The following NOTCH1 variants were observed in gnomAD, a reference collection of about 807,000 sequenced individuals.
NOTCH1 encodes notch receptor 1, also known as neurogenic locus notch homolog protein 1.
In NOTCH1, 37 loss-of-function variants were observed where a neutral mutation model predicts 254.8. The ratio of observed to expected loss-of-function variants is 0.15; its 90% CI spans 0.11 to 0.19. NOTCH1 has a LOEUF of 0.19. NOTCH1 is among the 10% of genes least tolerant of loss of function. The pLI is 1.00. For missense variants in NOTCH1, 2,972 were observed against 3,708.6 expected (o/e 0.80, Z 5.16); for synonymous variants, 1,731 against 1,618.1 (o/e 1.07, Z -1.68).
rs994509635 is a variant in NOTCH1, at chr9:136,508,148, G to T, written c.3326-9C>A. ...GCGGGCAACGTCAACACCTGCGGGG[G>T]ATGGGGTGGTAGACAGGTGAGGCCC... On this transcript the variant is annotated splice_polypyrimidine_tract_variant and intron_variant, in intron 20 of 33. Transcript: ENST00000651671. The T allele has an allele frequency of 1.9e-6, 3 of 1,607,968 alleles. No individual in the cohort carries two copies. The highest frequency in any genetic ancestry group is 1.7e-5 in the Admixed American group (1 of 59,968).
intron 24 of NOTCH1, 97 bp from the exon 25 acceptor site, chr9:136,505,978 C>T (rs1589059196): frequency 1.8e-6 from 2 of 1,124,342 alleles, no homozygotes; most frequent in East Asian, 2.6e-5. Flanking sequence ...CCACCGCTCT[C>T]CTCTAACCTG....
At chr9:136,522,795 CT>C in intron 4 of NOTCH1, 54 bp downstream of exon 4, 1 of 1,431,848 alleles carries the variant, frequency 7.0e-7, no homozygotes, top group Non-Finnish European at 9.2e-7. Context: ...TTCCCACCCC[CT>C]GGGCCTGGCA....
At chr9:136,508,688 C>G (rs894323430) in intron 19 of NOTCH1, among the ~76,000 whole-genome samples, 182 bp downstream of exon 19, 3 of 152,248 alleles carry the variant, frequency 2.0e-5, no homozygotes, top group Non-Finnish European at 4.4e-5. Context: ...AACGAAGGTG[C>G]CTGCTGCTTC....
At chr9:136,541,330 T>C (rs566834091) in intron 2 of NOTCH1, among the ~76,000 whole-genome samples, 1 of 152,202 alleles carries the variant, frequency 6.6e-6, no homozygotes, top group Non-Finnish European at 1.5e-5. Context: ...GTTCCTTCTC[T>C]TTGGGATGGA....
rs919195332 is a variant in NOTCH1 at position 136,519,432 on chromosome 9, C to T, written c.865+11G>A. 8 of 1,612,698 alleles carry T rather than the reference C, an allele frequency of 5.0e-6. No individual in the cohort carries two copies. Among genetic ancestry groups the T allele is most frequent in the Middle Eastern group, 1.6e-4 (1 of 6,062 alleles). ...CCGGCTACCCCGCCCTGCGGCGACC[C>T]GTATACGCGCCTGTCCACTCTGGCG... On this transcript the variant is annotated intron_variant, in intron 5 of 33. Coordinates refer to ENST00000651671, the MANE Select transcript of NOTCH1 (RefSeq NM_017617.5).
At chr9:136,522,673 C>T (rs866645748) in intron 4 of NOTCH1, 177 bp downstream of exon 4, 14 of 633,942 alleles carry the variant, frequency 2.2e-5, no homozygotes, top group South Asian at 6.1e-5. Context: ...GCGCACACCC[C>T]GCTCCAGACG....
chr9:136,517,729 C>T (rs368093530), intron 8 of NOTCH1, 23 bp downstream of exon 8: 38 of 1,612,196 alleles, frequency 2.4e-5, no homozygotes, highest in Middle Eastern at 1.6e-4. Flanking sequence ...CTCGGTTTCC[C>T]GCCCTGGCCC....
chr9:136,500,796 G>A lies in NOTCH1; in HGVS notation c.5690C>T (p.Thr1897Met), dbSNP rs746237272. 44 of 1,600,614 alleles carry A rather than the reference G, an allele frequency of 2.7e-5. No homozygotes were observed. The highest frequency in any genetic ancestry group is 9.9e-5 in the South Asian group (9 of 91,056). ...IASCSGGGLE[T>M]GNSEEEEDAP... Reference sequence around the variant, plus strand: ...GTCCTCCTCTTCCTCGCTGTTGCCCGTCTCCAGGCCGCCCCCGCTGCAGGA... The same window carrying A: ...GTCCTCCTCTTCCTCGCTGTTGCCCATCTCCAGGCCGCCCCCGCTGCAGGA... Residue 1897 changes from threonine (T) to methionine (M), a missense_variant, in exon 31 of 34, where the codon ACG (threonine) becomes ATG (methionine). By Grantham distance (81) the Thr-to-Met change is moderately conservative (BLOSUM62 -1). Around this residue, in one of 8 missense-constraint regions of NOTCH1, gnomAD observed 421 missense variants for 604.4 expected, o/e 0.70. Coordinates refer to ENST00000651671, the MANE Select transcript of NOTCH1 (RefSeq NM_017617.5).
rs376055493 is a variant in NOTCH1 at position 136,515,710 on chromosome 9, G to A, written c.1676C>T (p.Thr559Met). Residue 559 changes from threonine to methionine, a missense_variant, in exon 11 of 34, where the codon ACG (threonine) becomes ATG (methionine). Transcript: ENST00000651671. ...TYTCVCTEGYTGTHCEVDIDE... is the reference protein window; with the variant it reads ...TYTCVCTEGYMGTHCEVDIDE... Reference sequence around the variant, plus strand: ...GATGTCCACCTCGCAGTGCGTCCCCGTGTACCCTGGACCGTGGGAGGGGCG... The same window carrying A: ...GATGTCCACCTCGCAGTGCGTCCCCATGTACCCTGGACCGTGGGAGGGGCG... 32 of 1,539,034 alleles carry A rather than the reference G, an allele frequency of 2.1e-5. No homozygotes were observed. Among genetic ancestry groups the A allele is most frequent in the Middle Eastern group, 2.3e-4 (1 of 4,434 alleles).
rs1192823861 is a variant in NOTCH1, at chr9:136,513,518, G to C, written c.2227C>G (p.Pro743Ala). The change falls in exon 14 of 34, where the codon CCT becomes GCT. Residue 743 changes from proline (P) to alanine (A), a missense_variant. By Grantham distance (27) the Pro-to-Ala change is conservative. Transcript: ENST00000651671. The surrounding 1 kb of genome is among the most constrained non-coding windows in gnomAD (Gnocchi z 4.7). ...TCACAGTTGGTCCCACTCCACCCAG[G>C]GTCACAGTCGCACTTGTACCTGCAA... ...SLNGYKCDCD[P>A]GWSGTNCDIN... 10 of 1,612,972 alleles carry C rather than the reference G, an allele frequency of 6.2e-6. No individual in the cohort carries two copies. The African/African-American group carries it at 1.2e-4, about 19-fold the overall frequency.
rs111264275 is a variant in NOTCH1, at chr9:136,531,406, A to C, written c.141-7427T>G. On this transcript the variant is annotated intron_variant, in intron 2 of 33. Transcript: ENST00000651671. Reference sequence around the variant, plus strand: ...CCCCAGGGTGGCACAGGAGTGGCAGAAGCTCCCTGGGAAAGAGGAGGAAGG... The same window carrying C: ...CCCCAGGGTGGCACAGGAGTGGCAGCAGCTCCCTGGGAAAGAGGAGGAAGG... Among the ~76,000 whole-genome samples, 1,509 of 152,264 alleles carry C rather than the reference A, an allele frequency of 9.9e-3. 21 individuals are homozygous for C. The highest frequency in any genetic ancestry group is 0.033 in the African/African-American group (1,372 of 41,552).
intron 25 of NOTCH1, 80 bp from the exon 26 acceptor site, chr9:136,505,184 C>T (rs1476788822): frequency 3.2e-6 from 5 of 1,539,704 alleles, no homozygotes; most frequent in Non-Finnish European, 4.4e-6. Context: ...GCCCACTGGC[C>T]AGCCGCGGGG....
intron 13 of NOTCH1, among the ~76,000 whole-genome samples, 175 bp downstream of exon 13, chr9:136,514,335 A>T (rs1202866380): frequency 2.6e-5 from 4 of 152,186 alleles, no homozygotes; most frequent in Non-Finnish European, 5.9e-5. Flanking sequence ...TGTGGACTGT[A>T]GTCTGACTGA....
At chr9:136,501,391 GCCA>G (rs1321244583) in intron 30 of NOTCH1, among the ~76,000 whole-genome samples, 1 of 150,514 alleles carries the variant, frequency 6.6e-6, no homozygotes, top group South Asian at 2.1e-4. Flanking sequence ...CCGAGATCGT[GCCA>G]CTGCACTCCA....
At chr9:136,499,457 C>T (rs1236392672) in intron 31 of NOTCH1, among the ~76,000 whole-genome samples, 198 bp from the exon 32 acceptor site, 1 of 152,250 alleles carries the variant, frequency 6.6e-6, no homozygotes, top group East Asian at 1.9e-4. Context: ...AGGGGCTGTG[C>T]TGCCCACAGA....
Position 136,509,828 on chromosome 9 carries a change from G to T in NOTCH1, c.2874C>A (p.Ala958=), listed in dbSNP as rs2133350767. 1 of 1,613,198 alleles carries T rather than the reference G, an allele frequency of 6.2e-7. No homozygotes were observed. The highest frequency in any genetic ancestry group is 8.5e-7 in the Non-Finnish European group (1 of 1,180,030). The change falls in exon 18 of 34, where the codon GCC becomes GCA. Residue 958 remains alanine, a synonymous_variant. Coordinates refer to ENST00000651671, the MANE Select transcript of NOTCH1 (RefSeq NM_017617.5). The part of the protein sequence containing the change: ...ECASDPCRNG[A]NCTDCVDSYT... ...AGCTGTCCACGCAGTCCGTGCAGTT[G>T]GCCCCGTTGCGGCAGGGGTCACTGG... is the stretch of plus-strand genomic sequence containing the variant.
intron 21 of NOTCH1, 110 bp from the exon 22 acceptor site, chr9:136,507,547 C>T: frequency 6.8e-7 from 1 of 1,460,350 alleles, no homozygotes; most frequent in Non-Finnish European, 9.3e-7. Flanking sequence ...CCCTCAGGTC[C>T]AGCGAAGCCA....
At chr9:136,530,548 G>A (rs1843543654) in intron 2 of NOTCH1, among the ~76,000 whole-genome samples, 1 of 151,946 alleles carries the variant, frequency 6.6e-6, no homozygotes, top group African/African-American at 2.4e-5. Context: ...ACACAGCCCA[G>A]CAGGCTCTGA....
At chr9:136,499,750 T>C (rs1042208256) in intron 31 of NOTCH1, among the ~76,000 whole-genome samples, 1 of 151,622 alleles carries the variant, frequency 6.6e-6, no homozygotes, top group Non-Finnish European at 1.5e-5. Context: ...CACTGGCGGG[T>C]GCAAAAGGCA....
Sources: allele counts gnomAD v4.1 joint callset (sites outside exome capture counted in the v4.1 genomes callset), GRCh38; gene constraint gnomAD v4.1.1; regional missense constraint gnomAD v4.1.1; non-coding constraint Gnocchi (gnomAD v3.1); transcripts MANE v1.5; gene names NCBI Gene and HGNC (gene_info 2026-07-23, HGNC 2026-07-21).